GLRA2: variants seen among roughly 807,000 people sequenced by gnomAD.
The protein encoded by GLRA2 is glycine receptor alpha 2, also known as glycine receptor subunit alpha-2.
In GLRA2, 11 loss-of-function variants were observed where a neutral mutation model predicts 31.6. The observed-to-expected ratio is 0.35, with a 90% CI of 0.22 to 0.58. GLRA2 has a LOEUF of 0.58. GLRA2 is among the 20% of genes least tolerant of loss of function. The pLI, the probability that GLRA2 is intolerant of heterozygous loss-of-function variation, is 0.84. For synonymous variants in GLRA2, 132 were observed against 134.0 expected, an observed-to-expected ratio of 0.99 and a Z score of 0.10; for missense variants, 212 against 351.8, an observed-to-expected ratio of 0.60 and a Z score of 3.18.
chrX:14,613,065 G>A (rs745923272), intron 7 of GLRA2, among the ~76,000 whole-genome samples: 2 of 111,243 alleles, frequency 1.8e-5, no homozygotes, highest in South Asian at 7.6e-4. Flanking sequence ...CTCTAAGTTT[G>A]TTTCATCATT....
the GLRA2 span, among the ~76,000 whole-genome samples, chrX:14,454,040 G>A: frequency 1.5e-4 from 17 of 111,082 alleles, no homozygotes; most frequent in Admixed American, 7.7e-4. Context: ...GAGAGGGAGC[G>A]TAGTAGAAAG....
At chrX:14,590,006 G>T (rs775568852) in intron 4 of GLRA2, among the ~76,000 whole-genome samples, 41 of 109,651 alleles carry the variant, frequency 3.7e-4, no homozygotes, top group African/African-American at 1.3e-3. Flanking sequence ...GTTATCTGGG[G>T]GCCTCATACT....
intron 7 of GLRA2, among the ~76,000 whole-genome samples, chrX:14,683,023 G>C (rs1166263995): frequency 8.9e-6 from 1 of 111,912 alleles, no homozygotes; most frequent in Non-Finnish European, 1.9e-5. Context: ...GTGTGCATGT[G>C]TCTTTATAGA....
chrX:14,508,648 TGA>T, the GLRA2 span, among the ~76,000 whole-genome samples: 5 of 111,967 alleles, frequency 4.5e-5, no homozygotes, highest in Non-Finnish European at 9.4e-5. Context: ...ATAAATTGTT[TGA>T]GATTAGGGAC....
chrX:14,474,743 A>G, the GLRA2 span, among the ~76,000 whole-genome samples: 13 of 101,086 alleles, frequency 1.3e-4, no homozygotes, highest in East Asian at 1.2e-3. Context: ...GGCTGGGATG[A>G]CTGGGGCCTC....
At chrX:14,617,789 C>T (rs1370039320) in intron 7 of GLRA2, among the ~76,000 whole-genome samples, 2 of 111,756 alleles carry the variant, frequency 1.8e-5, no homozygotes, top group Non-Finnish European at 3.8e-5. Context: ...ACCAAAGAAT[C>T]GTGAACAAAT....
chrX:14,526,944 C>T (rs1380738093), upstream of GLRA2, among the ~76,000 whole-genome samples: 4 of 111,190 alleles, frequency 3.6e-5, no homozygotes, highest in Non-Finnish European at 7.5e-5. Context: ...GCCAAGAAGA[C>T]AGAATAGGAG....
intron 7 of GLRA2, among the ~76,000 whole-genome samples, chrX:14,676,179 G>A (rs1278072186): frequency 8.9e-6 from 1 of 112,292 alleles, no homozygotes; most frequent in Non-Finnish European, 1.9e-5. Context: ...AAACTATTCT[G>A]CTTTACCAAT....
At chrX:14,451,134 G>C in the GLRA2 span, among the ~76,000 whole-genome samples, 1 of 111,612 alleles carries the variant, frequency 9.0e-6, no homozygotes, top group African/African-American at 3.3e-5. Context: ...CCTTACAAGA[G>C]ATTCTTAAGA....
At chrX:14,718,362 T>C (rs1445080001) in intron 8 of GLRA2, among the ~76,000 whole-genome samples, 2 of 112,308 alleles carry the variant, frequency 1.8e-5, no homozygotes, top group Non-Finnish European at 3.8e-5. Flanking sequence ...ATATTTATCT[T>C]ACTTTATGGC....
intron 4 of GLRA2, among the ~76,000 whole-genome samples, chrX:14,602,284 AAGGAAAG>A (rs1381458812): frequency 4.5e-5 from 5 of 111,781 alleles, no homozygotes; most frequent in Non-Finnish European, 9.4e-5. Context: ...CAAAAAAGTT[AAGGAAAG>A]AGGAAAGTGG....
At chrX:14,533,271 A>G (rs1481808438) in intron 2 of GLRA2, among the ~76,000 whole-genome samples, 1 of 110,472 alleles carries the variant, frequency 9.1e-6, no homozygotes, top group Non-Finnish European at 1.9e-5. Flanking sequence ...TTATGTAGCA[A>G]TTCATGCATT....
At chrX:14,608,930 G>A (rs1343797496) in intron 6 of GLRA2, 61 bp from the exon 7 acceptor site, 1 of 561,148 alleles carries the variant, frequency 1.8e-6, no homozygotes, top group Non-Finnish European at 3.1e-6. Context: ...AACAACGTGG[G>A]ATAATGGAAT....
intron 4 of GLRA2, among the ~76,000 whole-genome samples, chrX:14,602,416 TC>T (rs1179375020): frequency 9.0e-6 from 1 of 110,680 alleles, no homozygotes; most frequent in Non-Finnish European, 1.9e-5. Flanking sequence ...AGTTTGTTTT[TC>T]CTTTTTTTTT....
intron 2 of GLRA2, among the ~76,000 whole-genome samples, chrX:14,544,579 TCTTAA>T (rs1460391213): frequency 5.4e-5 from 6 of 111,747 alleles, no homozygotes; most frequent in East Asian, 5.6e-4. Context: ...GCAATATTTA[TCTTAA>T]CTTGTGCAGA....
chrX:14,474,636 G>T, the GLRA2 span, among the ~76,000 whole-genome samples: 1 of 108,720 alleles, frequency 9.2e-6, no homozygotes, highest in Non-Finnish European at 1.9e-5. Context: ...GAAGCTGGCT[G>T]GTTTAGGATG....
At chrX:14,658,018 G>C (rs771976199) in intron 7 of GLRA2, among the ~76,000 whole-genome samples, 1 of 111,426 alleles carries the variant, frequency 9.0e-6, no homozygotes, top group Non-Finnish European at 1.9e-5. Flanking sequence ...GAGTCACATA[G>C]ACATTAGGCA....
intron 7 of GLRA2, among the ~76,000 whole-genome samples, chrX:14,656,160 C>T (rs2090937729): frequency 8.9e-6 from 1 of 111,879 alleles, no homozygotes; most frequent in African/African-American, 3.2e-5. Context: ...ACAGTAGTCA[C>T]ATGGAGAACT....
At chrX:14,531,879 G>C (rs2188924) in intron 1 of GLRA2, among the ~76,000 whole-genome samples, 1 of 111,129 alleles carries the variant, frequency 9.0e-6, no homozygotes, top group South Asian at 3.7e-4. Flanking sequence ...AGATAGAAAT[G>C]ATTTTAAGAC....
Sources: gnomAD v4.1 joint callset for allele counts (sites outside exome capture counted in the v4.1 genomes callset) on GRCh38, gnomAD v4.1.1 for gene constraint, MANE v1.5 for transcripts, NCBI Gene and HGNC (gene_info 2026-07-23, HGNC 2026-07-21) for gene names.